Variants in LRRTM4 observed in about 807,000 individuals in gnomAD.
LRRTM4 encodes the protein leucine-rich repeat transmembrane neuronal protein 4.
In LRRTM4, 25 loss-of-function variants were observed where a neutral mutation model predicts 47.6. The ratio of observed to expected loss-of-function variants is 0.53; its 90% confidence interval spans 0.38 to 0.73. The LOEUF (loss-of-function observed/expected upper bound fraction) is 0.73, where lower values mean the gene tolerates loss of function less well. Among genes scored for constraint, LRRTM4 ranks in the 30% least tolerant of loss-of-function variants. The pLI is 0.00. For synonymous variants in LRRTM4, 311 were observed against 269.5 expected (o/e 1.15, Z -1.51); for missense variants, 638 against 713.4 (o/e 0.89, Z 1.20).
chr2:77,191,740 T>A (rs1673674429), intron 3 of LRRTM4, among the ~76,000 whole-genome samples: 2 of 152,054 alleles, frequency 1.3e-5, no homozygotes, highest in African/African-American at 2.4e-5. Flanking sequence ...GAAGATTTGT[T>A]GAGAAAATTT....
intron 3 of LRRTM4, among the ~76,000 whole-genome samples, chr2:76,810,620 C>G (rs1670704740): frequency 6.6e-6 from 1 of 152,102 alleles, no homozygotes; most frequent in African/African-American, 2.4e-5. Flanking sequence ...GCCAAGAAGT[C>G]TTAAAATCTA....
At chr2:77,037,052 G>C (rs1221298388) in intron 3 of LRRTM4, among the ~76,000 whole-genome samples, 1 of 151,578 alleles carries the variant, frequency 6.6e-6, no homozygotes, top group Non-Finnish European at 1.5e-5. Context: ...CAAAGGGATG[G>C]AACTGTAGAA....
intron 3 of LRRTM4, among the ~76,000 whole-genome samples, chr2:77,183,135 G>C (rs560847953): frequency 6.6e-6 from 1 of 152,260 alleles, no homozygotes; most frequent in Non-Finnish European, 1.5e-5. Context: ...ACTACTATCA[G>C]AGTGAACAGG....
Position 77,401,098 on chromosome 2 carries a change from A to T in LRRTM4, c.1551+117220T>A, listed in dbSNP as rs183373339. 1.1e-4 allele frequency among the ~76,000 whole-genome samples: 17 copies of T among 152,046 alleles called. No homozygotes were observed. The East Asian group carries it at 2.9e-3, about 26-fold the overall frequency. On this transcript the variant is annotated intron_variant, in intron 3 of 3. Coordinates refer to ENST00000409884, the MANE Select transcript of LRRTM4 (RefSeq NM_001134745.3). ...AAATATTTACTATGTGGATATTTAT[A>T]GAAAAATATTGCTGGTTGCATGGTC...
chr2:77,269,387 T>C (rs1676132716), intron 3 of LRRTM4, among the ~76,000 whole-genome samples: 2 of 152,286 alleles, frequency 1.3e-5, no homozygotes, highest in East Asian at 3.9e-4. Flanking sequence ...ATTAAATTAC[T>C]GTGAATAAGT....
intron 3 of LRRTM4, among the ~76,000 whole-genome samples, chr2:77,099,547 G>A (rs1670897403): frequency 6.6e-6 from 1 of 151,984 alleles, no homozygotes; most frequent in African/African-American, 2.4e-5. Context: ...AGAATGGGAT[G>A]CAGTTGGCAG....
intron 3 of LRRTM4, among the ~76,000 whole-genome samples, chr2:77,191,108 T>C (rs1017326067): frequency 1.3e-5 from 2 of 152,132 alleles, no homozygotes; most frequent in Admixed American, 1.3e-4. Context: ...CTGTAAGTTT[T>C]TAAAAACATG....
intron 3 of LRRTM4, among the ~76,000 whole-genome samples, chr2:77,298,064 G>A (rs933966120): frequency 6.6e-6 from 1 of 152,202 alleles, no homozygotes; most frequent in Admixed American, 6.5e-5. Flanking sequence ...TAAAGAGAGA[G>A]TAAATTCTGC....
chr2:77,321,887 T>C (rs1407680903), intron 3 of LRRTM4, among the ~76,000 whole-genome samples: 9 of 152,126 alleles, frequency 5.9e-5, no homozygotes, highest in Admixed American at 5.9e-4. Context: ...AACAAAGAAA[T>C]CCTCTGTTGC....
intron 3 of LRRTM4, among the ~76,000 whole-genome samples, chr2:77,060,884 A>G (rs773083438): frequency 1.3e-5 from 2 of 152,154 alleles, no homozygotes; most frequent in Admixed American, 6.6e-5. Context: ...AATGTTTATG[A>G]CTCAACCACA....
intron 3 of LRRTM4, among the ~76,000 whole-genome samples, chr2:76,935,437 T>C (rs1345698308): frequency 6.6e-6 from 1 of 152,192 alleles, no homozygotes; most frequent in Non-Finnish European, 1.5e-5. Context: ...TAAATTACTT[T>C]GGGCAGTATG....
At chr2:76,854,469 G>A (rs1273632776) in intron 3 of LRRTM4, among the ~76,000 whole-genome samples, 1 of 152,058 alleles carries the variant, frequency 6.6e-6, no homozygotes, top group Admixed American at 6.6e-5. Context: ...GAGGATGGTG[G>A]AACAAATGGG....
intron 3 of LRRTM4, among the ~76,000 whole-genome samples, chr2:77,345,625 A>C (rs1196221186): frequency 6.6e-6 from 1 of 152,040 alleles, no homozygotes; most frequent in East Asian, 1.9e-4. Context: ...ATGTAGTAGG[A>C]TGAAACAACA....
chr2:77,237,161 TG>T (rs1465712507), intron 3 of LRRTM4, among the ~76,000 whole-genome samples: 1 of 109,180 alleles, frequency 9.2e-6, no homozygotes, highest in Non-Finnish European at 2.0e-5. Flanking sequence ...TTCATCTTGT[TG>T]GGGGATTTTT....
intron 3 of LRRTM4, among the ~76,000 whole-genome samples, chr2:77,174,686 T>G (rs1305095421): frequency 3.3e-5 from 5 of 152,170 alleles, no homozygotes; most frequent in Non-Finnish European, 7.3e-5. Flanking sequence ...AGGGTACATG[T>G]GCACAACGTG....
intron 3 of LRRTM4, among the ~76,000 whole-genome samples, chr2:77,217,438 G>A (rs1674483528): frequency 2.4e-4 from 5 of 20,946 alleles, no homozygotes; most frequent in East Asian, 1.6e-3. Flanking sequence ...ATCTCCAAAT[G>A]AAATATATAT....
chr2:77,449,442 T>C (rs1287014940), intron 3 of LRRTM4, among the ~76,000 whole-genome samples: 1 of 152,178 alleles, frequency 6.6e-6, no homozygotes, highest in Admixed American at 6.5e-5. Context: ...TTTTGTTTCT[T>C]ATTTATTTGC....
At chr2:76,993,279 A>T (rs1677077854) in intron 3 of LRRTM4, among the ~76,000 whole-genome samples, 1 of 151,964 alleles carries the variant, frequency 6.6e-6, no homozygotes, top group Non-Finnish European at 1.5e-5. Flanking sequence ...GTAGGGACTA[A>T]TTAAAGGAGC....
intron 3 of LRRTM4, among the ~76,000 whole-genome samples, chr2:77,206,760 A>C (rs1674138169): frequency 6.6e-6 from 1 of 152,176 alleles, no homozygotes; most frequent in Non-Finnish European, 1.5e-5. Context: ...CTGGGACTAC[A>C]GGTGTGAGCC....
Sources: gnomAD v4.1 joint callset for allele counts (sites outside exome capture counted in the v4.1 genomes callset) on GRCh38, gnomAD v4.1.1 for gene constraint, MANE v1.5 for transcripts, NCBI Gene and HGNC (gene_info 2026-07-23, HGNC 2026-07-21) for gene names.